Variants in TRAPPC8 observed in about 807,000 individuals in gnomAD.
The protein encoded by TRAPPC8 is general sporulation gene 1 homolog.
A neutral mutation model predicts 174.3 loss-of-function variants in TRAPPC8; 54 were observed. The ratio of observed to expected loss-of-function variants is 0.31; its 90% confidence interval spans 0.25 to 0.39. The LOEUF (loss-of-function observed/expected upper bound fraction) is 0.39. Among genes scored for constraint, TRAPPC8 ranks in the 10% least tolerant of loss-of-function variants. The pLI is 1.00. For synonymous variants in TRAPPC8, 630 were observed against 579.9 expected (o/e 1.09, Z -1.24); for missense variants, 1,531 against 1,699.1 (o/e 0.90, Z 1.74).
At chr18:31,916,555 C>T (rs1486063715) in intron 3 of TRAPPC8, 109 bp from the exon 4 acceptor site, 3 of 1,148,282 alleles carry the variant, frequency 2.6e-6, no homozygotes, top group Non-Finnish European at 2.4e-6. Context: ...GTTTCTGAGA[C>T]AAAGTCTCAC....
At chr18:31,847,242 T>C (rs919146497) in intron 25 of TRAPPC8, among the ~76,000 whole-genome samples, 26 of 152,212 alleles carry the variant, frequency 1.7e-4, no homozygotes, top group Admixed American at 1.7e-3. Context: ...AGTACAATCA[T>C]AAATCCTGTA....
intron 4 of TRAPPC8, among the ~76,000 whole-genome samples, chr18:31,914,678 T>C (rs2037057272): frequency 6.6e-6 from 1 of 152,200 alleles, no homozygotes; most frequent in Non-Finnish European, 1.5e-5. Context: ...ATTATTAAAC[T>C]ACATTTCCTC....
intron 22 of TRAPPC8, among the ~76,000 whole-genome samples, chr18:31,853,035 A>C (rs1249829263): frequency 6.6e-6 from 1 of 152,208 alleles, no homozygotes; most frequent in Non-Finnish European, 1.5e-5. Context: ...CAACATTACT[A>C]TACGAACACA....
intron 22 of TRAPPC8, among the ~76,000 whole-genome samples, chr18:31,853,321 G>A (rs528142899): frequency 6.6e-6 from 1 of 152,288 alleles, no homozygotes; most frequent in East Asian, 1.9e-4. Context: ...ACGCTGGAGT[G>A]CAGTGGCATG....
At chr18:31,867,684 T>C (rs2034654178) in intron 16 of TRAPPC8, among the ~76,000 whole-genome samples, 1 of 152,214 alleles carries the variant, frequency 6.6e-6, no homozygotes, top group Admixed American at 6.5e-5. Flanking sequence ...ATATATTTTT[T>C]TCATTTTGTT....
intron 26 of TRAPPC8, among the ~76,000 whole-genome samples, chr18:31,843,343 T>C (rs2033210281): frequency 6.6e-6 from 1 of 152,232 alleles, no homozygotes; most frequent in South Asian, 2.1e-4. Context: ...GAACTTCATA[T>C]GTAGTAAATG....
rs2032266929 is a variant in TRAPPC8 at position 31,830,061 on chromosome 18, TAAC to T, written c.*691_*693del. On this transcript the variant is annotated 3_prime_UTR_variant, in exon 29 of 29. Coordinates refer to ENST00000283351, the MANE Select transcript of TRAPPC8 (RefSeq NM_014939.5). ...ATTTTAAACAGATCAACTCAATAGT[TAAC>T]GTTATATAATAAAGAATATGGTAAT... 3 of 152,614 alleles carry T rather than the reference TAAC, an allele frequency of 2.0e-5. No individual in the cohort carries two copies. The highest frequency in any genetic ancestry group is 2.9e-5 in the Non-Finnish European group (2 of 68,034). 9.5% of individuals were successfully genotyped at this position (152,614 alleles called of 1,614,324 possible). A position where few individuals can be genotyped will look rare whatever the true frequency, so the allele number is the denominator to read the frequency against.
intron 2 of TRAPPC8, among the ~76,000 whole-genome samples, chr18:31,928,182 A>AT (rs1457095514): frequency 6.5e-4 from 98 of 150,298 alleles, no homozygotes; most frequent in African/African-American, 2.3e-3. Flanking sequence ...ATAAAATAAA[A>AT]TAAAATTAAA....
intron 4 of TRAPPC8, among the ~76,000 whole-genome samples, chr18:31,913,824 CAA>C: frequency 6.6e-6 from 1 of 152,138 alleles, no homozygotes; most frequent in South Asian, 2.1e-4. Context: ...CTACGTTATT[CAA>C]AGAGAGAGCT....
intron 2 of TRAPPC8, among the ~76,000 whole-genome samples, chr18:31,920,905 C>T (rs911507069): frequency 4.9e-5 from 7 of 143,080 alleles, no homozygotes; most frequent in African/African-American, 1.8e-4. Context: ...CACGCCACTG[C>T]ACTCCAGCCT....
At chr18:31,912,534 G>A (rs571787553) in intron 5 of TRAPPC8, among the ~76,000 whole-genome samples, 47 of 152,034 alleles carry the variant, frequency 3.1e-4, no homozygotes, top group African/African-American at 1.1e-3. Context: ...GGTGGTGGAC[G>A]CCTGTAATCC....
At position 31,843,814 on chromosome 18, in the gene TRAPPC8, C is replaced by T. The variant is rs115518239; in HGVS notation, c.3837+2902G>A. On this transcript the variant is annotated intron_variant, in intron 26 of 28. Transcript: ENST00000283351. The stretch of plus-strand genomic sequence containing the variant: ...ATGTGAAAACTGATAAATTACAAAT[C>T]CTCAATCAACAGATTTCTATTTTCT... Among the ~76,000 whole-genome samples the T allele has an allele frequency of 5.2e-3, 786 of 152,248 alleles. 4 individuals carry two copies. The highest frequency in any genetic ancestry group is 0.018 in the African/African-American group (742 of 41,550).
intron 18 of TRAPPC8, among the ~76,000 whole-genome samples, chr18:31,865,056 A>C (rs1395949662): frequency 6.6e-6 from 1 of 152,106 alleles, no homozygotes; most frequent in African/African-American, 2.4e-5. Flanking sequence ...TCTGTATTTA[A>C]CCATGTGCCT....
intron 14 of TRAPPC8, among the ~76,000 whole-genome samples, chr18:31,871,389 C>A (rs955079200): frequency 6.6e-6 from 1 of 151,798 alleles, no homozygotes; most frequent in Non-Finnish European, 1.5e-5. Context: ...TTCAAATATA[C>A]AGAAAAGGCA....
At chr18:31,881,113 T>C (rs1386618274) in intron 12 of TRAPPC8, among the ~76,000 whole-genome samples, 1 of 152,042 alleles carries the variant, frequency 6.6e-6, no homozygotes, top group African/African-American at 2.4e-5. Flanking sequence ...AAATAAATAA[T>C]GTCATTTTCC....
At chr18:31,911,676 T>TTGCAGTGAGCCGAGATCA (rs377562758) in intron 5 of TRAPPC8, among the ~76,000 whole-genome samples, 3 of 147,446 alleles carry the variant, frequency 2.0e-5, no homozygotes, top group Admixed American at 1.4e-4. Context: ...GAGGCAGCTG[T>TTGCAGTGAGCCGAGATCA]TGCAGTGAGC....
At chr18:31,875,550 G>A (rs923150793) in intron 12 of TRAPPC8, among the ~76,000 whole-genome samples, 9 of 152,184 alleles carry the variant, frequency 5.9e-5, no homozygotes, top group East Asian at 1.9e-4. Context: ...AAGACATGAC[G>A]GGGTTCTCTG....
At chr18:31,923,196 C>G (rs4799608) in intron 2 of TRAPPC8, among the ~76,000 whole-genome samples, 36,041 of 151,684 alleles carry the variant, frequency 0.24, 5,525 homozygotes, top group Admixed American at 0.43. Flanking sequence ...AAATAGATAA[C>G]AAAAGTTGAA....
chr18:31,941,861 TAAAA>T (rs2038359727), intron 1 of TRAPPC8, among the ~76,000 whole-genome samples: 1 of 152,116 alleles, frequency 6.6e-6, no homozygotes, highest in Admixed American at 6.6e-5. Context: ...TTTCTCCTAA[TAAAA>T]AAATCCAAAA....
Sources: gnomAD v4.1 joint callset for allele counts (sites outside exome capture counted in the v4.1 genomes callset) on GRCh38, gnomAD v4.1.1 for gene constraint, MANE v1.5 for transcripts, NCBI Gene and HGNC (gene_info 2026-07-23, HGNC 2026-07-21) for gene names.